The following PRKG1 variants were observed in gnomAD, a reference collection of about 807,000 sequenced individuals.
PRKG1 encodes the protein protein kinase cGMP-dependent 1, also known as cGMP-dependent protein kinase 1.
PRKG1 carries 35 observed loss-of-function variants against 88.1 expected under a neutral mutation model. That is an observed-to-expected ratio of 0.40 (90% CI 0.30 to 0.53). The LOEUF (loss-of-function observed/expected upper bound fraction) is 0.53, where lower values mean the gene tolerates loss of function less well. PRKG1 is among the 20% of genes least tolerant of loss of function. The pLI, the probability that PRKG1 is intolerant of heterozygous loss-of-function variation, is 0.59. For missense variants in PRKG1, 540 were observed against 839.8 expected (o/e 0.64, Z 4.41); for synonymous variants, 303 against 292.5 (o/e 1.04, Z -0.37).
intron 4 of PRKG1, among the ~76,000 whole-genome samples, chr10:51,871,078 C>G (rs541773019): frequency 6.6e-6 from 1 of 152,264 alleles, no homozygotes; most frequent in African/African-American, 2.4e-5. Flanking sequence ...TGATTTTTCT[C>G]TGTTGGAAGT....
intron 7 of PRKG1, among the ~76,000 whole-genome samples, chr10:52,102,578 C>T: frequency 8.3e-6 from 1 of 119,780 alleles, no homozygotes. Context: ...ATGAAAGAGA[C>T]TGTGGATATG....
chr10:51,239,743 T>A (rs143634388), intron 2 of PRKG1, among the ~76,000 whole-genome samples: 1 of 152,238 alleles, frequency 6.6e-6, no homozygotes, highest in Non-Finnish European at 1.5e-5. Flanking sequence ...AACATAGTAG[T>A]TGAAAGCTTG....
chr10:51,779,002 G>T (rs1838515270), intron 3 of PRKG1, among the ~76,000 whole-genome samples: 1 of 152,232 alleles, frequency 6.6e-6, no homozygotes, highest in Non-Finnish European at 1.5e-5. Flanking sequence ...AGGTATTCGG[G>T]TTTTCTCAGA....
chr10:51,501,589 A>T (rs1304653483), intron 3 of PRKG1, among the ~76,000 whole-genome samples: 1 of 152,078 alleles, frequency 6.6e-6, no homozygotes, highest in Non-Finnish European at 1.5e-5. Flanking sequence ...TGTACCAGCC[A>T]TGTTTGTGCT....
chr10:52,147,238 A>G (rs537070434), intron 8 of PRKG1, among the ~76,000 whole-genome samples: 1 of 152,352 alleles, frequency 6.6e-6, no homozygotes, highest in Admixed American at 6.5e-5. Flanking sequence ...TTATCCAAGT[A>G]ATAACTTACA....
intron 4 of PRKG1, among the ~76,000 whole-genome samples, chr10:51,817,347 A>AACCCC (rs1564659070): frequency 4.6e-5 from 6 of 129,590 alleles, no homozygotes; most frequent in Non-Finnish European, 6.8e-5. Context: ...TCCCTCCCCA[A>AACCCC]CCCCCCCCCT....
chr10:51,109,304 G>A (rs574686772), intron 1 of PRKG1, among the ~76,000 whole-genome samples: 1 of 152,192 alleles, frequency 6.6e-6, no homozygotes, highest in Admixed American at 6.5e-5. Flanking sequence ...AAAAGGTGGA[G>A]GACTAACACC....
chr10:51,928,740 C>T (rs1842628472), intron 5 of PRKG1, among the ~76,000 whole-genome samples: 1 of 152,116 alleles, frequency 6.6e-6, no homozygotes, highest in Admixed American at 6.6e-5. Flanking sequence ...TGATGACAAT[C>T]AAAGAGCGTT....
chr10:51,874,994 G>C (rs1477681576), intron 4 of PRKG1, among the ~76,000 whole-genome samples: 1 of 152,110 alleles, frequency 6.6e-6, no homozygotes, highest in Non-Finnish European at 1.5e-5. Flanking sequence ...TAAGCCACTA[G>C]ACCTTACAAA....
chr10:52,142,774 C>T lies in PRKG1; in HGVS notation c.1001+8869C>T, dbSNP rs80105684. Among the ~76,000 whole-genome samples the T allele has an allele frequency of 8.7e-3, 1,318 of 152,246 alleles. 14 individuals are homozygous for T. The highest frequency in any genetic ancestry group is 0.03 in the African/African-American group (1,231 of 41,550). Reference sequence around the variant, plus strand: ...TCACTCCCCTCACATCCCATAACAGCTTTGGTTCGCCTGTTGATTTTCATT... The same window carrying T: ...TCACTCCCCTCACATCCCATAACAGTTTTGGTTCGCCTGTTGATTTTCATT... On this transcript the variant is annotated intron_variant, in intron 8 of 17. Transcript: ENST00000373980.
chr10:51,178,902 A>G (rs1837271663), intron 2 of PRKG1, among the ~76,000 whole-genome samples: 1 of 152,262 alleles, frequency 6.6e-6, no homozygotes, highest in African/African-American at 2.4e-5. Context: ...AATAACCAAT[A>G]TAACATTTGT....
At chr10:52,024,470 C>T (rs539685372) in intron 5 of PRKG1, among the ~76,000 whole-genome samples, 71 of 152,064 alleles carry the variant, frequency 4.7e-4, no homozygotes, top group African/African-American at 1.6e-3. Context: ...CTAATGCTAT[C>T]CCTCCCCCAT....
At chr10:51,324,439 G>GT (rs970908984) in intron 2 of PRKG1, among the ~76,000 whole-genome samples, 1 of 152,106 alleles carries the variant, frequency 6.6e-6, no homozygotes, top group African/African-American at 2.4e-5. Context: ...TTTATCCTTT[G>GT]TTATAGCCCA....
chr10:51,982,957 A>G (rs1156484290), intron 5 of PRKG1, among the ~76,000 whole-genome samples: 1 of 152,036 alleles, frequency 6.6e-6, no homozygotes, highest in Non-Finnish European at 1.5e-5. Context: ...TGGCAACTGT[A>G]CCCATGGTTG....
intron 3 of PRKG1, among the ~76,000 whole-genome samples, chr10:51,749,974 C>A (rs573428859): frequency 7.0e-6 from 1 of 143,454 alleles, no homozygotes; most frequent in African/African-American, 2.6e-5. Flanking sequence ...CTTGCTCTGT[C>A]GCCCAGGCTG....
intron 1 of PRKG1, among the ~76,000 whole-genome samples, chr10:51,068,101 G>T (rs530751276): frequency 6.6e-6 from 1 of 152,000 alleles, no homozygotes; most frequent in African/African-American, 2.4e-5. Context: ...AGAATAATAC[G>T]TGGCAATATC....
upstream of PRKG1, among the ~76,000 whole-genome samples, chr10:51,073,596 C>T (rs1341371732): frequency 6.6e-6 from 1 of 152,066 alleles, no homozygotes; most frequent in African/African-American, 2.4e-5. Flanking sequence ...CCTGCTAGGG[C>T]CCAAATCCGT....
intron 1 of PRKG1, among the ~76,000 whole-genome samples, chr10:51,061,967 CCA>C (rs1256702917): frequency 1.3e-5 from 2 of 152,100 alleles, no homozygotes; most frequent in Non-Finnish European, 2.9e-5. Flanking sequence ...TACTGTTTTC[CCA>C]GTTTTAGGTT....
chr10:51,546,423 GTTTA>G (rs1589065570), intron 3 of PRKG1, among the ~76,000 whole-genome samples: 1 of 151,904 alleles, frequency 6.6e-6, no homozygotes, highest in Non-Finnish European at 1.5e-5. Context: ...CCAGAAAACG[GTTTA>G]TCCTCTTGTA....
Sources: allele counts gnomAD v4.1 joint callset (sites outside exome capture counted in the v4.1 genomes callset), GRCh38; gene constraint gnomAD v4.1.1; transcripts MANE v1.5; gene names NCBI Gene and HGNC (gene_info 2026-07-23, HGNC 2026-07-21).